MRTFA: variants seen among roughly 807,000 people sequenced by gnomAD.
MRTFA encodes the protein myocardin-related transcription factor A.
Under a neutral mutation model 83.5 loss-of-function variants are expected in MRTFA, and 20 were observed. The ratio of observed to expected loss-of-function variants is 0.24; its 90% CI spans 0.17 to 0.35. The LOEUF (loss-of-function observed/expected upper bound fraction) is 0.35, where lower values mean the gene tolerates loss of function less well. MRTFA is among the 10% of genes least tolerant of loss of function. The probability of loss-of-function intolerance (pLI) is 1.00; values close to 1 mark genes in which losing one functional copy is unlikely to be tolerated. For missense variants in MRTFA, 1,200 were observed against 1,224.7 expected (o/e 0.98, Z 0.30); for synonymous variants, 659 against 541.2 (o/e 1.22, Z -3.02).
chr22:40,605,281 C>A (rs1319048332), intron 1 of MRTFA, among the ~76,000 whole-genome samples: 2 of 152,130 alleles, frequency 1.3e-5, no homozygotes, highest in East Asian at 3.8e-4. Flanking sequence ...GTAGGCAAGC[C>A]ATCAAGCAGA....
At chr22:40,553,859 A>G (rs1340651765) in intron 2 of MRTFA, among the ~76,000 whole-genome samples, 1 of 152,194 alleles carries the variant, frequency 6.6e-6, no homozygotes, top group African/African-American at 2.4e-5. Flanking sequence ...CAGCCCATGA[A>G]AGCAGCCAGG....
intron 2 of MRTFA, among the ~76,000 whole-genome samples, chr22:40,574,395 G>A (rs956040164): frequency 1.3e-5 from 2 of 151,520 alleles, no homozygotes; most frequent in South Asian, 2.1e-4. Flanking sequence ...AAACAATACA[G>A]TATAACAACT....
intron 1 of MRTFA, among the ~76,000 whole-genome samples, chr22:40,611,994 CTA>C (rs2056392904): frequency 1.3e-5 from 2 of 152,240 alleles, no homozygotes; most frequent in East Asian, 1.9e-4. Context: ...GTTATTAAGC[CTA>C]TGTTATTTTT....
At chr22:40,587,958 C>CT in intron 2 of MRTFA, 2 of 357,564 alleles carry the variant, frequency 5.6e-6, no homozygotes, top group East Asian at 6.3e-5. Flanking sequence ...GATGACTCCC[C>CT]TTTTTCAGAG....
At chr22:40,445,400 A>G (rs143551605) in intron 4 of MRTFA, among the ~76,000 whole-genome samples, 4 of 152,330 alleles carry the variant, frequency 2.6e-5, no homozygotes, top group African/African-American at 9.6e-5. Flanking sequence ...TTTCTTACAT[A>G]ACTAAGATAC....
At chr22:40,610,425 T>G (rs1043131490) in intron 1 of MRTFA, among the ~76,000 whole-genome samples, 1 of 152,158 alleles carries the variant, frequency 6.6e-6, no homozygotes, top group East Asian at 1.9e-4. Context: ...AACTGACTAC[T>G]GTACAGGTAA....
Position 40,418,840 on chromosome 22 carries a change from T to C in MRTFA, c.1898A>G (p.Gln633Arg). The C allele has an allele frequency of 6.2e-7, 1 of 1,612,070 alleles. No individual in the cohort carries two copies. The highest frequency in any genetic ancestry group is 1.3e-5 in the African/African-American group (1 of 75,034). ...GAGCATGCGCGTCAGCGCCTCGATCTGCTTGTCTTTCTCCTGCAGCATCTG... is the reference window on the plus strand; with the variant it reads ...GAGCATGCGCGTCAGCGCCTCGATCCGCTTGTCTTTCTCCTGCAGCATCTG... The change falls in exon 12 of 15, where the codon CAG becomes CGG. Residue 633 changes from glutamine to arginine, a missense_variant. Coordinates refer to ENST00000355630, the MANE Select transcript of MRTFA (RefSeq NM_020831.6).
chr22:40,516,533 A>G (rs1228690037), intron 3 of MRTFA, among the ~76,000 whole-genome samples: 1 of 152,056 alleles, frequency 6.6e-6, no homozygotes, highest in Admixed American at 6.6e-5. Flanking sequence ...ACCAGAGCCA[A>G]CAAGGACCTT....
At chr22:40,521,903 T>A (rs1233035214) in intron 3 of MRTFA, 1 of 151,582 alleles carries the variant, frequency 6.6e-6, no homozygotes, top group Non-Finnish European at 1.5e-5. Context: ...CAGGCTGGAG[T>A]GCACTGGCAC....
chr22:40,581,677 C>A (rs2055949265), intron 2 of MRTFA, among the ~76,000 whole-genome samples: 1 of 152,026 alleles, frequency 6.6e-6, no homozygotes, highest in African/African-American at 2.4e-5. Flanking sequence ...TCTGTGCATC[C>A]ACAGAGTCAG....
chr22:40,430,814 T>C (rs1403160470), intron 6 of MRTFA, among the ~76,000 whole-genome samples: 1 of 123,208 alleles, frequency 8.1e-6, no homozygotes, highest in Non-Finnish European at 1.6e-5. Context: ...TGAGCCATGA[T>C]CACACTACTG....
At chr22:40,588,365 T>A (rs1055969916) in intron 2 of MRTFA, among the ~76,000 whole-genome samples, 13 of 152,172 alleles carry the variant, frequency 8.5e-5, no homozygotes, top group African/African-American at 3.1e-4. Context: ...CATTATCTAC[T>A]GATTTACCAA....
At chr22:40,425,197 G>C (rs2052927592) in intron 7 of MRTFA, among the ~76,000 whole-genome samples, 1 of 152,258 alleles carries the variant, frequency 6.6e-6, no homozygotes, top group Admixed American at 6.5e-5. Flanking sequence ...GTAGCACAGA[G>C]CTTCTGTTCC....
intron 3 of MRTFA, among the ~76,000 whole-genome samples, chr22:40,498,544 C>T (rs75357535): frequency 0.017 from 2,640 of 151,806 alleles, 65 homozygotes; most frequent in African/African-American, 0.06. Flanking sequence ...CTCAGCCTCC[C>T]AAAGCGGTAA....
chr22:40,472,575 A>AT (rs1335169813), intron 3 of MRTFA, among the ~76,000 whole-genome samples: 1 of 152,088 alleles, frequency 6.6e-6, no homozygotes, highest in East Asian at 1.9e-4. Context: ...AATAACAAAT[A>AT]ATTTTTTTCT....
intron 1 of MRTFA, among the ~76,000 whole-genome samples, chr22:40,601,991 G>A (rs1212102287): frequency 2.0e-5 from 3 of 152,182 alleles, no homozygotes; most frequent in African/African-American, 7.2e-5. Flanking sequence ...TCCTGGCAAT[G>A]AGGAACATCG....
intron 14 of MRTFA, chr22:40,412,171 AAAAG>A (rs2052568346): frequency 6.3e-6 from 2 of 317,780 alleles, no homozygotes; most frequent in African/African-American, 4.3e-5. Context: ...AAGAATAGGT[AAAAG>A]AAAGATTTGA....
At chr22:40,473,644 CAA>C (rs913528647) in intron 3 of MRTFA, among the ~76,000 whole-genome samples, 20 of 152,158 alleles carry the variant, frequency 1.3e-4, no homozygotes, top group African/African-American at 4.6e-4. Flanking sequence ...CTTTTAGCTT[CAA>C]ACTAGGGAAT....
chr22:40,613,673 CAG>C (rs1448454791), intron 1 of MRTFA, among the ~76,000 whole-genome samples: 3 of 151,728 alleles, frequency 2.0e-5, no homozygotes, highest in South Asian at 4.2e-4. Flanking sequence ...CTGGGAAATA[CAG>C]AGAGACCCTG....
Sources: gnomAD v4.1 joint callset for allele counts (sites outside exome capture counted in the v4.1 genomes callset) on GRCh38, gnomAD v4.1.1 for gene constraint, MANE v1.5 for transcripts, NCBI Gene and HGNC (gene_info 2026-07-23, HGNC 2026-07-21) for gene names.